The following RANBP2 variants were observed in gnomAD, a reference collection of about 807,000 sequenced individuals.
The protein encoded by RANBP2 is E3 SUMO-protein ligase RanBP2.
RANBP2 carries 57 observed loss-of-function variants against 303.6 expected under a neutral mutation model. That is an observed-to-expected ratio of 0.19 (90% CI 0.15 to 0.23). The LOEUF is 0.23. RANBP2 is among the 10% of genes least tolerant of loss of function. The pLI is 1.00. For synonymous variants in RANBP2, 1,167 were observed against 1,301.5 expected (o/e 0.90, Z 2.23); for missense variants, 3,138 against 3,780.8 (o/e 0.83, Z 4.46).
At chr2:109,172,446 T>C in the RANBP2 span, among the ~76,000 whole-genome samples, 1 of 152,220 alleles carries the variant, frequency 6.6e-6, no homozygotes, top group South Asian at 2.1e-4. Context: ...AAAATACGTT[T>C]ATTGAGATAG....
chr2:109,199,597 T>TCAACCCGAGTGCAGG, the RANBP2 span, among the ~76,000 whole-genome samples: 2 of 274 alleles, frequency 7.3e-3, no homozygotes, highest in African/African-American at 0.014. Context: ...TGGAATGGAA[T>TCAACCCGAGTGCAGG]GGAATGGAAT....
the RANBP2 span, among the ~76,000 whole-genome samples, chr2:109,261,161 A>G: frequency 4.3e-3 from 652 of 152,208 alleles, 1 homozygote; most frequent in South Asian, 6.8e-3. Flanking sequence ...GGACACATCA[A>G]CATTTCTGGC....
At chr2:109,615,634 T>C in the RANBP2 span, 2 of 1,613,748 alleles carry the variant, frequency 1.2e-6, no homozygotes. Context: ...TCCCAGTACC[T>C]GAGTCGGAGC....
the RANBP2 span, among the ~76,000 whole-genome samples, chr2:108,886,017 G>C: frequency 7.4e-4 from 113 of 152,250 alleles, 2 homozygotes; most frequent in Middle Eastern, 3.4e-3. Flanking sequence ...CCGCTGATGG[G>C]CACTTAGTTT....
At chr2:108,962,815 A>C in the RANBP2 span, among the ~76,000 whole-genome samples, 3 of 152,252 alleles carry the variant, frequency 2.0e-5, no homozygotes, top group Non-Finnish European at 4.4e-5. Context: ...TCTGTCCAAG[A>C]GACTGAGCAG....
the RANBP2 span, among the ~76,000 whole-genome samples, chr2:109,735,612 T>C: frequency 2.4e-4 from 36 of 152,310 alleles, no homozygotes; most frequent in South Asian, 7.5e-3. Context: ...TACAAGTTTT[T>C]AAATCTGGGA....
chr2:109,653,891 T>C, the RANBP2 span, among the ~76,000 whole-genome samples: 1 of 152,168 alleles, frequency 6.6e-6, no homozygotes, highest in Non-Finnish European at 1.5e-5. Context: ...GTAAATGTAG[T>C]CCAGTCCAAC....
chr2:108,758,477 A>G lies in RANBP2; in HGVS notation c.2531A>G (p.Glu844Gly), dbSNP rs777616268. Residue 844 changes from glutamate (E) to glycine (G), a missense_variant, in exon 18 of 29, where the codon GAG (glutamate) becomes GGG (glycine). This residue lies in a region of RANBP2 where 194 missense variants were observed against 197.4 expected (regional missense o/e 0.98). Coordinates refer to ENST00000283195, the MANE Select transcript of RANBP2 (RefSeq NM_006267.5). ...NSASPHRWPT[E>G]NYGPDSVPDG... The stretch of plus-strand genomic sequence containing the variant: ...GCATCCCCTCATCGTTGGCCCACAG[A>G]GAATTATGGACCAGACTCAGTGCCT... 3 of 1,611,566 alleles carry G rather than the reference A, an allele frequency of 1.9e-6. No individual in the cohort carries two copies. Among genetic ancestry groups the G allele is most frequent in the Non-Finnish European group, 2.5e-6 (3 of 1,179,846 alleles).
chr2:108,738,110 C>G (rs1385930112), intron 6 of RANBP2, among the ~76,000 whole-genome samples: 1 of 151,642 alleles, frequency 6.6e-6, no homozygotes, highest in South Asian at 2.1e-4. Context: ...GAGTCTCGCT[C>G]TGTCGCCCAG....
the RANBP2 span, among the ~76,000 whole-genome samples, chr2:109,173,336 G>T: frequency 6.6e-6 from 1 of 152,094 alleles, no homozygotes; most frequent in Non-Finnish European, 1.5e-5. Flanking sequence ...CCTGTGCTCT[G>T]CCCGTTATCA....
chr2:109,648,114 C>A, the RANBP2 span, among the ~76,000 whole-genome samples: 70 of 152,182 alleles, frequency 4.6e-4, no homozygotes, highest in Non-Finnish European at 9.0e-4. Flanking sequence ...TCACTGAGAG[C>A]ATGAGAGGCA....
the RANBP2 span, among the ~76,000 whole-genome samples, chr2:109,431,870 CAAAA>C: frequency 7.0e-6 from 1 of 142,906 alleles, no homozygotes; most frequent in Non-Finnish European, 1.5e-5. Context: ...GATGCTGTTT[CAAAA>C]AAAAAAAGGT....
In RANBP2 at chr2:108,782,118, C is replaced by A. The variant is rs753971848; in HGVS notation, c.8761-10C>A. 3 of 1,613,598 alleles carry A rather than the reference C, an allele frequency of 1.9e-6. No homozygotes were observed. The highest frequency in any genetic ancestry group is 1.1e-5 in the South Asian group (1 of 90,962). On this transcript the variant is annotated splice_polypyrimidine_tract_variant and intron_variant, in intron 26 of 28. Coordinates refer to ENST00000283195, the MANE Select transcript of RANBP2 (RefSeq NM_006267.5). ...CAGCAGCTTATAGAGAATTTCATCTCCTATTATAGGTAGAAGTAAAATCTG... is the reference window on the plus strand; with the variant it reads ...CAGCAGCTTATAGAGAATTTCATCTACTATTATAGGTAGAAGTAAAATCTG...
At chr2:109,242,706 C>T in the RANBP2 span, among the ~76,000 whole-genome samples, 2 of 152,156 alleles carry the variant, frequency 1.3e-5, no homozygotes, top group Non-Finnish European at 2.9e-5. Context: ...TTTCGTGAGC[C>T]CTGGTCTGGG....
chr2:109,550,498 G>T, the RANBP2 span, among the ~76,000 whole-genome samples: 4 of 151,784 alleles, frequency 2.6e-5, no homozygotes, highest in African/African-American at 7.3e-5. Flanking sequence ...ATTTTTAGTA[G>T]AGATGGGGTT....
At chr2:108,748,356 A>C (rs144646505) in intron 8 of RANBP2, among the ~76,000 whole-genome samples, 6,576 of 149,446 alleles carry the variant, frequency 0.044, 206 homozygotes, top group Non-Finnish European at 0.069. Context: ...TACAGGCGCC[A>C]GCCACCAGGG....
the RANBP2 span, among the ~76,000 whole-genome samples, chr2:109,002,187 C>T: frequency 6.6e-6 from 1 of 152,366 alleles, no homozygotes; most frequent in East Asian, 1.9e-4. Context: ...TTCCAAGAGG[C>T]CGACCAATGC....
chr2:108,868,921 T>C, the RANBP2 span, among the ~76,000 whole-genome samples: 12 of 151,850 alleles, frequency 7.9e-5, no homozygotes, highest in African/African-American at 2.4e-4. Context: ...AATGAAATTT[T>C]TTTCTATTTG....
the RANBP2 span, among the ~76,000 whole-genome samples, chr2:108,829,330 C>T: frequency 6.6e-6 from 1 of 152,116 alleles, no homozygotes; most frequent in Non-Finnish European, 1.5e-5. Flanking sequence ...AGCAAAGAAC[C>T]TAAATAGCTA....
Sources: gnomAD v4.1 joint callset for allele counts (sites outside exome capture counted in the v4.1 genomes callset) on GRCh38, gnomAD v4.1.1 for gene constraint, gnomAD v4.1.1 regional missense constraint, MANE v1.5 for transcripts, NCBI Gene and HGNC (gene_info 2026-07-23, HGNC 2026-07-21) for gene names.